MACF1: variants seen among roughly 807,000 people sequenced by gnomAD.
MACF1 encodes microtubule-actin cross-linking factor 1.
A neutral mutation model predicts 854.8 loss-of-function variants in MACF1; 193 were observed. The observed-to-expected ratio is 0.23, with a 90% CI of 0.20 to 0.25. MACF1 has a LOEUF of 0.25. Ranked by LOEUF, MACF1 falls within the 10% of genes least tolerant of loss-of-function variation. The pLI is 1.00. For synonymous variants in MACF1, 3,185 were observed against 3,226.7 expected (o/e 0.99, Z 0.44); for missense variants, 7,722 against 8,929.1 (o/e 0.86, Z 5.45).
At chr1:39,427,864 ATTGT>A (rs779450518) in intron 62 of MACF1, 93 bp from the exon 63 acceptor site, 224 of 1,086,462 alleles carry the variant, frequency 2.1e-4, no homozygotes, top group Non-Finnish European at 2.7e-4. Context: ...GAGTTTTTTA[ATTGT>A]TTAATTTGTT....
chr1:39,231,148 C>T (rs1644772790), intron 1 of MACF1, 34 bp from the exon 2 acceptor site: 1 of 1,592,958 alleles, frequency 6.3e-7, no homozygotes, highest in Non-Finnish European at 8.6e-7. Context: ...CTGGGTAGCA[C>T]TAAGCCAGTG....
At chr1:39,269,709 G>C (rs1483900191) in intron 6 of MACF1, 1 of 1,289,144 alleles carries the variant, frequency 7.8e-7, no homozygotes, top group Non-Finnish European at 1.0e-6. Context: ...CCCATCATGG[G>C]GTCTGGAAGA....
chr1:39,233,120 C>T (rs1314385594), intron 2 of MACF1, among the ~76,000 whole-genome samples: 1 of 151,704 alleles, frequency 6.6e-6, no homozygotes, highest in Non-Finnish European at 1.5e-5. Flanking sequence ...CTGCAACCTC[C>T]GCCTCCTGGG....
Position 39,204,838 on chromosome 1 carries a change from C to G in MACF1, c.-185C>G. Reference sequence around the variant, plus strand: ...TACAGTTTTAGTCCCAGTCTACTAGCGCCTGCTGAAAAACAGTCAGAAGTG... The same window carrying G: ...TACAGTTTTAGTCCCAGTCTACTAGGGCCTGCTGAAAAACAGTCAGAAGTG... On this transcript the variant is annotated 5_prime_UTR_variant, in exon 1 of 101. Transcript: ENST00000564288. 1.7e-6 allele frequency: 1 copy of G among 589,790 alleles called. No homozygotes were observed. Among genetic ancestry groups the G allele is most frequent in the South Asian group, 2.0e-5 (1 of 49,998 alleles). 36.5% of individuals were successfully genotyped at this position (589,790 alleles called of 1,614,324 possible).
intron 70 of MACF1, among the ~76,000 whole-genome samples, chr1:39,436,975 T>G (rs900155571): frequency 6.6e-6 from 1 of 152,380 alleles, no homozygotes. Context: ...GTCGTTAAAC[T>G]GCATGCCATG....
intron 64 of MACF1, 46 bp downstream of exon 64, chr1:39,429,372 C>A: frequency 9.4e-7 from 1 of 1,059,204 alleles, no homozygotes; most frequent in Non-Finnish European, 1.4e-6. Context: ...GTCTCAAAGA[C>A]AATTATGTAC....
intron 2 of MACF1, among the ~76,000 whole-genome samples, chr1:39,149,998 T>TA (rs1643543803): frequency 6.6e-6 from 1 of 152,318 alleles, no homozygotes; most frequent in South Asian, 2.1e-4. Flanking sequence ...TACAGGATTT[T>TA]AAACTCCTAG....
At chr1:39,230,411 TATGGG>T (rs1191853800) in intron 1 of MACF1, among the ~76,000 whole-genome samples, 1 of 152,100 alleles carries the variant, frequency 6.6e-6, no homozygotes, top group African/African-American at 2.4e-5. Flanking sequence ...CAAGAGGTTA[TATGGG>T]ATGGTGTGGG....
chr1:39,138,231 C>CAA (rs887534609), intron 2 of MACF1, among the ~76,000 whole-genome samples: 5 of 151,904 alleles, frequency 3.3e-5, no homozygotes, highest in Non-Finnish European at 7.4e-5. Context: ...CAAAACAAAA[C>CAA]AAAAATGAGT....
chr1:39,273,568 T>C (rs914848803), intron 6 of MACF1, among the ~76,000 whole-genome samples: 1 of 152,106 alleles, frequency 6.6e-6, no homozygotes, highest in Non-Finnish European at 1.5e-5. Context: ...AAGGTAAAGT[T>C]ATAGTTTAGA....
At chr1:39,434,215 A>T (rs1643923808) in intron 68 of MACF1, among the ~76,000 whole-genome samples, 199 bp from the exon 69 acceptor site, 1 of 152,080 alleles carries the variant, frequency 6.6e-6, no homozygotes, top group African/African-American at 2.4e-5. Flanking sequence ...GAAATAAAAT[A>T]TATGTATGAT....
At chr1:39,465,186 A>G in intron 95 of MACF1, 74 bp downstream of exon 95, 13 of 1,441,526 alleles carry the variant, frequency 9.0e-6, no homozygotes, top group Non-Finnish European at 1.2e-5. Flanking sequence ...GTTCTTCGCT[A>G]TGGGGAGAGG....
chr1:39,310,366 T>C lies in MACF1; in HGVS notation c.3038T>C (p.Leu1013Ser), dbSNP rs1171623477. The change falls in exon 25 of 101, where the codon TTG becomes TCG. Residue 1013 changes from leucine to serine, a missense_variant. Leu to Ser is a moderately radical substitution (Grantham distance 145). Coordinates refer to ENST00000564288, the MANE Select transcript of MACF1 (RefSeq NM_001394062.1). ...TTCTCAGTGGCTGATCGCTTGCGCT[T>C]GGAAGAGGAGGTGGAAGCTTGTAAA... ...VLFSVADRLR[L>S]EEEVEACKAR... 17 of 1,614,004 alleles carry C rather than the reference T, an allele frequency of 1.1e-5. No homozygotes were observed. Among genetic ancestry groups the C allele is most frequent in the Non-Finnish European group, 1.4e-5 (17 of 1,180,006 alleles).
At chr1:39,366,434 A>G (rs926528307) in intron 49 of MACF1, among the ~76,000 whole-genome samples, 1 of 151,976 alleles carries the variant, frequency 6.6e-6, no homozygotes, top group African/African-American at 2.4e-5. Flanking sequence ...CCTGGGCTCA[A>G]GTGATTCCCA....
intron 2 of MACF1, among the ~76,000 whole-genome samples, chr1:39,168,495 G>T (rs1383065465): frequency 5.9e-5 from 9 of 152,108 alleles, no homozygotes; most frequent in African/African-American, 2.2e-4. Context: ...TATGTTTTTT[G>T]TGTGTGTGCG....
intron 2 of MACF1, among the ~76,000 whole-genome samples, chr1:39,162,027 C>A (rs1232326386): frequency 5.3e-5 from 8 of 151,580 alleles, no homozygotes; most frequent in African/African-American, 1.9e-4. Context: ...CATGCCACTG[C>A]ACTACAGCCT....
intron 2 of MACF1, among the ~76,000 whole-genome samples, chr1:39,085,486 C>T (rs933907654): frequency 1.3e-5 from 2 of 152,104 alleles, no homozygotes; most frequent in African/African-American, 2.4e-5. Context: ...TACAGCCACC[C>T]CCTCCACTGT....
chr1:39,424,172 C>A lies in MACF1; in HGVS notation c.16294C>A (p.Leu5432Ile). ...LESLESRWTE[L>I]LSKAAARQKQ... is the part of the protein sequence containing the mutation. ...GAGTCTTGAAAGTAGATGGACTGAACTACTCAGTAAGGCAGCAGCCAGGTA... is the reference window on the plus strand; with the variant it reads ...GAGTCTTGAAAGTAGATGGACTGAAATACTCAGTAAGGCAGCAGCCAGGTA... Residue 5432 changes from leucine to isoleucine, a missense_variant, in exon 61 of 101, where the codon CTA (leucine) becomes ATA (isoleucine). Leu to Ile is a conservative substitution (Grantham distance 5). Coordinates refer to ENST00000564288, the MANE Select transcript of MACF1 (RefSeq NM_001394062.1). The A allele has an allele frequency of 6.2e-7, 1 of 1,613,682 alleles. No individual in the cohort carries two copies. Among genetic ancestry groups the A allele is most frequent in the Non-Finnish European group, 8.5e-7 (1 of 1,179,896 alleles).
chr1:39,471,716 A>G (rs1263036927), intron 97 of MACF1, among the ~76,000 whole-genome samples: 5 of 152,216 alleles, frequency 3.3e-5, no homozygotes, highest in African/African-American at 1.2e-4. Context: ...TACCTAAGGT[A>G]CTGTGTATGT....
Sources: allele counts gnomAD v4.1 joint callset (sites outside exome capture counted in the v4.1 genomes callset), GRCh38; gene constraint gnomAD v4.1.1; transcripts MANE v1.5; gene names NCBI Gene and HGNC (gene_info 2026-07-23, HGNC 2026-07-21).